The following MAP4K1 variants were observed in gnomAD, a reference collection of about 807,000 sequenced individuals.
The protein encoded by MAP4K1 is mitogen-activated protein kinase kinase kinase kinase 1, also known as MAPK/ERK kinase kinase kinase 1.
A neutral mutation model predicts 122.8 loss-of-function variants in MAP4K1; 35 were observed. That is an observed-to-expected ratio of 0.29 (90% confidence interval 0.22 to 0.38). MAP4K1 has a LOEUF of 0.38. MAP4K1 is among the 10% of genes least tolerant of loss of function. MAP4K1 has a pLI of 1.00. For missense variants in MAP4K1, 791 were observed against 1,072.6 expected, an observed-to-expected ratio of 0.74 and a Z score of 3.67; for synonymous variants, 412 against 421.3, an observed-to-expected ratio of 0.98 and a Z score of 0.27.
At chr19:38,596,107 A>G (rs1974868156) in intron 26 of MAP4K1, 106 bp from the exon 27 acceptor site, 1 of 1,375,622 alleles carries the variant, frequency 7.3e-7, no homozygotes, top group African/African-American at 1.4e-5. Flanking sequence ...TCAGTTCACA[A>G]GCAAGTGGGC....
chr19:38,602,641 TATAC>T (rs1975118851), intron 19 of MAP4K1, among the ~76,000 whole-genome samples: 1 of 136,034 alleles, frequency 7.4e-6, no homozygotes, highest in African/African-American at 2.9e-5. Flanking sequence ...TATACACACC[TATAC>T]ATATATACAT....
intron 29 of MAP4K1, 21 bp from the exon 30 acceptor site, chr19:38,593,358 T>C: frequency 6.3e-7 from 1 of 1,596,822 alleles, no homozygotes; most frequent in South Asian, 1.1e-5. Flanking sequence ...AAAGTGTGTG[T>C]CTCAGTGCCT....
rs1482557565 is a variant in MAP4K1, at chr19:38,601,479, A to T, written c.1493T>A (p.Ile498Asn). The stretch of plus-strand genomic sequence containing the variant: ...ATGTGTCCAGGCGGCCGTGCTGTGG[A>T]TCCGGAGGGGGCAGCCATTGAACAA... ...VKLFNGCPLRIHSTAAWTHPS... is the reference protein window; with the variant it reads ...VKLFNGCPLRNHSTAAWTHPS... The change falls in exon 20 of 31, where the codon ATC (isoleucine) becomes AAC (asparagine). Residue 498 changes from isoleucine (I) to asparagine (N), a missense_variant. Physicochemically the swap from Ile to Asn is moderately radical, Grantham distance 149. This residue lies in a region of MAP4K1 where 58 missense variants were observed against 118.7 expected (regional missense o/e 0.49). Transcript: ENST00000396857. 6.2e-7 allele frequency: 1 copy of T among 1,610,456 alleles called. No individual in the cohort carries two copies.
chr19:38,590,386 AAAAAAAAAATATATATATATATATATAT>A lies in MAP4K1; in HGVS notation c.2397-2597_2397-2570del, dbSNP rs1246105115. ...GATCTTGGACCAGAAAAAAAAAAAA[AAAAAAAAAATATATATATATATATATAT>A]ATATATATATATATATATATATAAT... is the stretch of plus-strand genomic sequence containing the variant. On this transcript the variant is annotated intron_variant, in intron 30 of 30. Transcript: ENST00000396857. Among the ~76,000 whole-genome samples, 194 of 68,556 alleles carry A rather than the reference AAAAAAAAAATATATATATATATATATAT, an allele frequency of 2.8e-3. 9 individuals are homozygous for A. Among genetic ancestry groups the A allele is most frequent in the African/African-American group, 0.011 (145 of 13,100 alleles). The allele number at this position is 68,556 out of a possible 152,430, so 45.0% of individuals were successfully genotyped here.
intron 19 of MAP4K1, among the ~76,000 whole-genome samples, chr19:38,603,317 C>T (rs1205103693): frequency 6.6e-6 from 1 of 150,782 alleles, no homozygotes; most frequent in Non-Finnish European, 1.5e-5. Flanking sequence ...CATATATACA[C>T]ATGTACATAT....
At chr19:38,596,194 C>T (rs1974871634) in intron 26 of MAP4K1, 118 bp downstream of exon 26, 2 of 1,394,574 alleles carry the variant, frequency 1.4e-6, no homozygotes, top group Non-Finnish European at 1.9e-6. Flanking sequence ...TCTCCCTTCT[C>T]CGCCCTTCCA....
At position 38,599,935 on chromosome 19, in the gene MAP4K1, C is replaced by T; in HGVS notation, c.1659G>A (p.Met553Ile). 2.5e-6 allele frequency: 4 copies of T among 1,614,134 alleles called. No individual in the cohort carries two copies. Among genetic ancestry groups the T allele is most frequent in the South Asian group, 1.1e-5 (1 of 91,080 alleles). ...TACCCACAGCCAGACCTGAGAGAGA[C>T]ATGAGAACGTTGTTGATGGAGTACA... ...TWVYSINNVL[M>I]SLSGKTPHLY... Residue 553 changes from methionine to isoleucine, a missense_variant, in exon 22 of 31, where the codon ATG becomes ATA. Physicochemically the swap from Met to Ile is conservative, Grantham distance 10. Around this residue, in one of 4 missense-constraint regions of MAP4K1, gnomAD observed 58 missense variants for 118.7 expected, o/e 0.49. Coordinates refer to ENST00000396857, the MANE Select transcript of MAP4K1 (RefSeq NM_001042600.3).
Position 38,617,527 on chromosome 19 carries a change from A to G in MAP4K1, c.157+41T>C, listed in dbSNP as rs1260048591. ...GTGATCCCAGTGTCCCAGGAGGCGA[A>G]GGTGGGGATGTGGGGAAGGAGCTCC... On this transcript the variant is annotated intron_variant, in intron 2 of 30. Transcript: ENST00000396857. The surrounding 1 kb of genome is among the most constrained non-coding windows in gnomAD (Gnocchi z 4.1). 1 of 1,612,840 alleles carries G rather than the reference A, an allele frequency of 6.2e-7. No homozygotes were observed. The highest frequency in any genetic ancestry group is 8.5e-7 in the Non-Finnish European group (1 of 1,179,034).
chr19:38,596,125 C>T (rs931911015), intron 26 of MAP4K1, 124 bp from the exon 27 acceptor site: 2 of 1,312,710 alleles, frequency 1.5e-6, no homozygotes, highest in Middle Eastern at 2.1e-4. Context: ...GGCTAAACCC[C>T]GCCCACCATC....
At position 38,605,481 on chromosome 19, in the gene MAP4K1, G is replaced by C. The variant is rs577907301; in HGVS notation, c.1374C>G (p.Leu458=). ...CAAGCTCCCGGGAGGGTGGGTTCCAGAGTGAGGGTTCTGAGAGGGGTTAGG... is the reference window on the plus strand; with the variant it reads ...CAAGCTCCCGGGAGGGTGGGTTCCACAGTGAGGGTTCTGAGAGGGGTTAGG... ...PHLTAHSEPS[L]WNPPSRELDK... The change falls in exon 19 of 31, where the codon CTC becomes CTG. Residue 458 remains leucine, a synonymous_variant. Transcript: ENST00000396857. 5.7e-6 allele frequency: 9 copies of C among 1,591,806 alleles called. No individual in the cohort carries two copies. In the East Asian group the frequency reaches 1.4e-4, roughly 24 times the overall value.
rs1261714401 is a variant in MAP4K1 at position 38,603,085 on chromosome 19, T to C, written c.1447-1560A>G. On this transcript the variant is annotated intron_variant, in intron 19 of 30. Transcript: ENST00000396857. ...ATATACACATATACATATATACACA[T>C]GTACATATATACACATGTACATATA... is the stretch of plus-strand genomic sequence containing the variant. 1.4e-4 allele frequency among the ~76,000 whole-genome samples: 17 copies of C among 122,884 alleles called. 3 individuals carry two copies. The East Asian group carries it at 3.2e-3, about 23-fold the overall frequency. 80.6% of individuals were successfully genotyped at this position (122,884 alleles called of 152,430 possible).
At position 38,617,369 on chromosome 19, in the gene MAP4K1, T is replaced by C. The variant is rs1476380541; in HGVS notation, c.233A>G (p.His78Arg). ...GGTTCATCACCAGAGATAACTCCCA[T>C]GGTAGGCCACGATGTTGGCGTGCCG... is the stretch of plus-strand genomic sequence containing the variant. ...TCRHANIVAY[H>R]GSYLWLQKLW... Residue 78 changes from histidine (H) to arginine (R), a missense_variant, in exon 3 of 31, where the codon CAT becomes CGT. His to Arg is a conservative substitution (Grantham distance 29). This residue lies in a region of MAP4K1 where 163 missense variants were observed against 286.1 expected (regional missense o/e 0.57). Transcript: ENST00000396857. This position sits in a 1 kb window ranked among gnomAD's most constrained non-coding sequence, Gnocchi z 4.1. The C allele has an allele frequency of 1.9e-6, 3 of 1,613,368 alleles. No homozygotes were observed. Among genetic ancestry groups the C allele is most frequent in the South Asian group, 2.2e-5 (2 of 91,052 alleles).
In MAP4K1 at chr19:38,597,660, T is replaced by C. The variant is rs73552618; in HGVS notation, c.1670-66A>G. 2.0e-3 allele frequency: 2,077 copies of C among 1,047,520 alleles called. 28 individuals carry two copies. In the African/African-American group the frequency reaches 0.03, roughly 15 times the overall value. 64.9% of individuals were successfully genotyped at this position (1,047,520 alleles called of 1,614,324 possible). ...GGATCCCATATACCACTTCCTTTCC[T>C]CCATCCCTTCCCTCAGCCCCATCCC... On this transcript the variant is annotated intron_variant, in intron 22 of 30. Coordinates refer to ENST00000396857, the MANE Select transcript of MAP4K1 (RefSeq NM_001042600.3). The surrounding 1 kb of genome is among the most constrained non-coding windows in gnomAD (Gnocchi z 4.6).
chr19:38,596,268 G>T (rs1195197178), intron 26 of MAP4K1, 44 bp downstream of exon 26: 13 of 1,500,024 alleles, frequency 8.7e-6, no homozygotes, highest in Non-Finnish European at 1.1e-5. Context: ...CCGCCCCTCC[G>T]GATCTGATAA....
At chr19:38,601,637 C>G in intron 19 of MAP4K1, 112 bp from the exon 20 acceptor site, 1 of 723,642 alleles carries the variant, frequency 1.4e-6, no homozygotes, top group Non-Finnish European at 2.3e-6. Context: ...AATCCTGCCT[C>G]TTACCTTGGT....
intron 30 of MAP4K1, among the ~76,000 whole-genome samples, chr19:38,590,931 G>A (rs1974707744): frequency 6.6e-6 from 1 of 151,600 alleles, no homozygotes; most frequent in African/African-American, 2.4e-5. Flanking sequence ...TGGGCATCAC[G>A]TCTGCAATTC....
intron 29 of MAP4K1, among the ~76,000 whole-genome samples, chr19:38,594,674 C>T (rs1460342563): frequency 6.0e-5 from 9 of 151,198 alleles, no homozygotes; most frequent in Admixed American, 4.6e-4. Context: ...AGTGGTGGCT[C>T]ACACCTGTAA....
chr19:38,593,400 G>C (rs1974785038), intron 29 of MAP4K1, 63 bp from the exon 30 acceptor site: 1 of 1,461,186 alleles, frequency 6.8e-7, no homozygotes, highest in Non-Finnish European at 9.4e-7. Flanking sequence ...TACGAACATG[G>C]CTCCCTTAAA....
chr19:38,594,807 G>A (rs1475157862), intron 29 of MAP4K1, among the ~76,000 whole-genome samples: 2 of 151,502 alleles, frequency 1.3e-5, no homozygotes, highest in African/African-American at 4.9e-5. Context: ...TAAGCATGGC[G>A]GCATGCACCT....
Sources: gnomAD v4.1 joint callset for allele counts (sites outside exome capture counted in the v4.1 genomes callset) on GRCh38, gnomAD v4.1.1 for gene constraint, gnomAD v4.1.1 regional missense constraint, Gnocchi (gnomAD v3.1) non-coding constraint, MANE v1.5 for transcripts, NCBI Gene and HGNC (gene_info 2026-07-23, HGNC 2026-07-21) for gene names.